The following MYO7B variants were observed in gnomAD, a reference collection of about 807,000 sequenced individuals.
MYO7B encodes the protein unconventional myosin-VIIb.
MYO7B carries 212 observed loss-of-function variants against 259.7 expected under a neutral mutation model. The ratio of observed to expected loss-of-function variants is 0.82; its 90% CI spans 0.73 to 0.91. MYO7B has a LOEUF of 0.91. MYO7B is among the 40% of genes least tolerant of loss of function. MYO7B has a pLI of 0.00. For missense variants in MYO7B, 2,732 were observed against 2,813.5 expected (o/e 0.97, Z 0.66); for synonymous variants, 1,197 against 1,166.4 (o/e 1.03, Z -0.54).
chr2:127,571,442 G>GTTTTTTTTTTGTTTTTTGT (rs1553448471), intron 6 of MYO7B, among the ~76,000 whole-genome samples: 2 of 41,984 alleles, frequency 4.8e-5, no homozygotes, highest in South Asian at 8.3e-4. Flanking sequence ...TTACCAGTGA[G>GTTTTTTTTTTGTTTTTTGT]TTTTTTTTTT....
intron 10 of MYO7B, among the ~76,000 whole-genome samples, chr2:127,581,405 A>G (rs1362543066): frequency 1.3e-5 from 2 of 152,240 alleles, no homozygotes; most frequent in East Asian, 3.9e-4. Flanking sequence ...GAAAATTAAT[A>G]GAATCAGGAG....
chr2:127,602,570 A>C (rs1332835995), intron 19 of MYO7B, among the ~76,000 whole-genome samples: 5 of 152,206 alleles, frequency 3.3e-5, no homozygotes, highest in Non-Finnish European at 5.9e-5. Flanking sequence ...AGGATCCTTG[A>C]GGCCAGGAGT....
chr2:127,571,442 G>GTTTTTTTTTGTTTTTTTT (rs1678603382), intron 6 of MYO7B, among the ~76,000 whole-genome samples: 8 of 41,982 alleles, frequency 1.9e-4, no homozygotes, highest in Non-Finnish European at 1.4e-4. Flanking sequence ...TTACCAGTGA[G>GTTTTTTTTTGTTTTTTTT]TTTTTTTTTT....
intron 39 of MYO7B, 127 bp from the exon 40 acceptor site, chr2:127,633,131 C>T: frequency 1.4e-6 from 1 of 710,730 alleles, no homozygotes; most frequent in Non-Finnish European, 2.3e-6. Flanking sequence ...GGGCTGGAAC[C>T]ACCCCAGTGA....
intron 10 of MYO7B, 90 bp downstream of exon 10, chr2:127,580,912 T>G: frequency 7.9e-7 from 1 of 1,267,456 alleles, no homozygotes; most frequent in Non-Finnish European, 1.1e-6. Flanking sequence ...CTTATAACCC[T>G]ACCCAGGCCC....
intron 26 of MYO7B, among the ~76,000 whole-genome samples, chr2:127,617,505 T>C (rs972131421): frequency 7.4e-6 from 1 of 135,932 alleles, no homozygotes; most frequent in Non-Finnish European, 1.6e-5. Context: ...TTTTTTTTTT[T>C]TTTTTTTTGA....
rs547265743 is a variant in MYO7B, at chr2:127,627,080, A to G, written c.4321A>G (p.Ile1441Val). ...GCTCTTCTCCCGGCTCTTCGAAGTC[A>G]TCACACTCTCAGGTAATGGCATCTG... ...PLLFSRLFEV[I>V]TLSGPRLPKT... is the part of the protein sequence containing the mutation. The change falls in exon 32 of 48, where the codon ATC (isoleucine) becomes GTC (valine). Residue 1441 changes from isoleucine (I) to valine (V), a missense_variant. Physicochemically the swap from Ile to Val is conservative, Grantham distance 29. This residue lies in a region of MYO7B where 1,906 missense variants were observed against 2,026.4 expected (regional missense o/e 0.94). Transcript: ENST00000409816. The surrounding 1 kb of genome is among the most constrained non-coding windows in gnomAD (Gnocchi z 5.6). 4 of 1,611,092 alleles carry G rather than the reference A, an allele frequency of 2.5e-6. No homozygotes were observed. Among genetic ancestry groups the G allele is most frequent in the Non-Finnish European group, 3.4e-6 (4 of 1,179,026 alleles).
chr2:127,569,650 G>A lies in MYO7B; in HGVS notation c.471-139G>A. The A allele has an allele frequency of 2.7e-6, 3 of 1,102,540 alleles. No homozygotes were observed. The South Asian group carries it at 5.4e-5, about 20-fold the overall frequency. 68.3% of individuals were successfully genotyped at this position (1,102,540 alleles called of 1,614,324 possible). On this transcript the variant is annotated intron_variant, in intron 5 of 47. Transcript: ENST00000409816. ...CCACAGGGGATTTCAGGGCTTCAGT[G>A]CAGTGGGATTTCTGCAGGGGAGAGG...
Position 127,614,095 on chromosome 2 carries a change from TCC to T in MYO7B, c.3398+1493_3398+1494del, listed in dbSNP as rs1216475653. 6.6e-6 allele frequency among the ~76,000 whole-genome samples: 1 copy of T among 152,092 alleles called. No individual in the cohort carries two copies. Among genetic ancestry groups the T allele is most frequent in the Non-Finnish European group, 1.5e-5 (1 of 68,034 alleles). On this transcript the variant is annotated intron_variant, in intron 26 of 47. Transcript: ENST00000409816. The surrounding 1 kb of genome is among the most constrained non-coding windows in gnomAD (Gnocchi z 4.6). Reference sequence around the variant, plus strand: ...CTGGTTCTAATTCTCTCATGGTTAATCCTCACTGGCCACCACACCACACCCTC... The same window carrying T: ...CTGGTTCTAATTCTCTCATGGTTAATTCACTGGCCACCACACCACACCCTC...
rs188898772 is a variant in MYO7B at position 127,563,257 on chromosome 2, T to C, written c.19-896T>C. ...TGCTGAGTATTATTTGCTCCTTTCC[T>C]CCTCTTGGGTTTCAGTACCTCCGAA... is the stretch of plus-strand genomic sequence containing the variant. On this transcript the variant is annotated intron_variant, in intron 2 of 47. Coordinates refer to ENST00000409816, the MANE Select transcript of MYO7B (RefSeq NM_001393586.1). Among the ~76,000 whole-genome samples, 141 of 152,324 alleles carry C rather than the reference T, an allele frequency of 9.3e-4. 2 individuals are homozygous for C. Among genetic ancestry groups the C allele is most frequent in the African/African-American group, 3.1e-3 (127 of 41,572 alleles).
rs887973773 is a variant in MYO7B, at chr2:127,576,253, G to A, written c.736-342G>A. On this transcript the variant is annotated intron_variant, in intron 7 of 47. Coordinates refer to ENST00000409816, the MANE Select transcript of MYO7B (RefSeq NM_001393586.1). This position sits in a 1 kb window ranked among gnomAD's most constrained non-coding sequence, Gnocchi z 4.9. ...GAGCCCCGTGGCTGTCAGATCTCTC[G>A]TGGGCCACTAAGTGCCTGTGAAGAC... 4.0e-5 allele frequency among the ~76,000 whole-genome samples: 6 copies of A among 151,894 alleles called. No individual in the cohort carries two copies. Among genetic ancestry groups the A allele is most frequent in the Admixed American group, 3.9e-4 (6 of 15,266 alleles).
In MYO7B at chr2:127,637,348, T is replaced by G. The variant is rs768166034; in HGVS notation, c.6360T>G (p.Tyr2120Ter). 5 of 1,595,142 alleles carry G rather than the reference T, an allele frequency of 3.1e-6. No homozygotes were observed. Among genetic ancestry groups the G allele is most frequent in the South Asian group, 1.1e-5 (1 of 87,544 alleles). The change falls in exon 48 of 48, where the codon TAT becomes TAG. Residue 2120 changes from tyrosine (Y) to a stop codon, truncating the protein, a stop_gained. Transcript: ENST00000409816. LOFTEE classifies it low-confidence loss of function (END_TRUNC). ...AGATGGATGACCTGCTGACCTCATA[T>G]GTGCAGCAGCTCCTGAGTGCCATGA... ...GYKMDDLLTS[Y>*]VQQLLSAMNK...
chr2:127,610,129 C>T, intron 24 of MYO7B, 113 bp downstream of exon 24: 1 of 1,407,310 alleles, frequency 7.1e-7, no homozygotes, highest in Non-Finnish European at 9.5e-7. Context: ...GAGCCCTGTC[C>T]TCAGCCTTAC....
In MYO7B at chr2:127,546,146, A is replaced by G. The variant is rs1450530839; in HGVS notation, c.-24+10315A>G. Among the ~76,000 whole-genome samples, 1 of 152,208 alleles carries G rather than the reference A, an allele frequency of 6.6e-6. No individual in the cohort carries two copies. The highest frequency in any genetic ancestry group is 2.4e-5 in the African/African-American group (1 of 41,460). On this transcript the variant is annotated intron_variant, in intron 1 of 47. Transcript: ENST00000409816. The surrounding 1 kb of genome is among the most constrained non-coding windows in gnomAD (Gnocchi z 4.2). ...CCAGCCCCAGATGCCCTTTCTGCCC[A>G]AAGAACACTCAGACCCCTTTGGAGG...
rs1005023512 is a variant in MYO7B at position 127,628,809 on chromosome 2, A to C, written c.4624+274A>C. ...GCGCTGCACTGCTGCAGAAGCACTG[A>C]GAAAGGCCAGCCCCCAGCCCAGGGA... On this transcript the variant is annotated intron_variant, in intron 34 of 47. Coordinates refer to ENST00000409816, the MANE Select transcript of MYO7B (RefSeq NM_001393586.1). The surrounding 1 kb of genome is among the most constrained non-coding windows in gnomAD (Gnocchi z 4.8). Among the ~76,000 whole-genome samples the C allele has an allele frequency of 6.6e-6, 1 of 152,214 alleles. No individual in the cohort carries two copies. The highest frequency in any genetic ancestry group is 2.4e-5 in the African/African-American group (1 of 41,450).
chr2:127,632,578 G>C (rs1681582989), intron 39 of MYO7B, among the ~76,000 whole-genome samples, 177 bp downstream of exon 39: 1 of 152,180 alleles, frequency 6.6e-6, no homozygotes, highest in Admixed American at 6.5e-5. Context: ...GGAGGGTGAG[G>C]CCCAGGAGGG....
intron 4 of MYO7B, among the ~76,000 whole-genome samples, chr2:127,566,174 C>T (rs905320775): frequency 6.6e-6 from 1 of 152,230 alleles, no homozygotes; most frequent in African/African-American, 2.4e-5. Context: ...GCCTGCCGCA[C>T]CCCCTGAGGG....
At chr2:127,598,835 A>G (rs1679859964) in intron 19 of MYO7B, among the ~76,000 whole-genome samples, 1 of 152,154 alleles carries the variant, frequency 6.6e-6, no homozygotes, top group Non-Finnish European at 1.5e-5. Context: ...AAAAAAGTCT[A>G]TCCTTCCTTC....
chr2:127,591,325 G>A lies in MYO7B; in HGVS notation c.1992+1096G>A, dbSNP rs185137789. On this transcript the variant is annotated intron_variant, in intron 16 of 47. Coordinates refer to ENST00000409816, the MANE Select transcript of MYO7B (RefSeq NM_001393586.1). ...CTGGGCTCCCAGAGACCCTTGGCTC[G>A]TTCAGACCCTGCCTACCTTGGGAGC... is the stretch of plus-strand genomic sequence containing the variant. Among the ~76,000 whole-genome samples, 24 of 152,340 alleles carry A rather than the reference G, an allele frequency of 1.6e-4. No individual in the cohort carries two copies. In the East Asian group the frequency reaches 4.4e-3, roughly 28 times the overall value.
Sources: allele counts gnomAD v4.1 joint callset (sites outside exome capture counted in the v4.1 genomes callset), GRCh38; gene constraint gnomAD v4.1.1; regional missense constraint gnomAD v4.1.1; non-coding constraint Gnocchi (gnomAD v3.1); transcripts MANE v1.5; gene names NCBI Gene and HGNC (gene_info 2026-07-23, HGNC 2026-07-21).